Variants in CCSER1 observed in about 807,000 individuals in gnomAD.
The protein encoded by CCSER1 is serine-rich coiled-coil domain-containing protein 1.
Under a neutral mutation model 82.0 loss-of-function variants are expected in CCSER1, and 41 were observed. The ratio of observed to expected loss-of-function variants is 0.50; its 90% CI spans 0.39 to 0.65. The LOEUF (loss-of-function observed/expected upper bound fraction) is 0.65. CCSER1 is among the 30% of genes least tolerant of loss of function. The pLI is 0.00. For synonymous variants in CCSER1, 414 were observed against 383.9 expected (o/e 1.08, Z -0.92); for missense variants, 1,119 against 1,064.2 (o/e 1.05, Z -0.72).
At chr4:90,932,343 A>G (rs1729928579) in intron 9 of CCSER1, among the ~76,000 whole-genome samples, 1 of 152,166 alleles carries the variant, frequency 6.6e-6, no homozygotes, top group Non-Finnish European at 1.5e-5. Context: ...AATTTAAACT[A>G]TCACATTAGA....
At chr4:91,146,947 T>C (rs1159861068) in intron 10 of CCSER1, among the ~76,000 whole-genome samples, 1 of 152,196 alleles carries the variant, frequency 6.6e-6, no homozygotes, top group Non-Finnish European at 1.5e-5. Flanking sequence ...ACCAAGTCTG[T>C]TCCTGGGCCT....
intron 10 of CCSER1, among the ~76,000 whole-genome samples, chr4:91,270,278 A>G (rs1218057066): frequency 6.6e-6 from 1 of 152,110 alleles, no homozygotes; most frequent in East Asian, 1.9e-4. Context: ...ATTATAGTTC[A>G]GGTATTATTT....
At chr4:90,367,023 C>G (rs1342625775) in intron 3 of CCSER1, among the ~76,000 whole-genome samples, 1 of 151,654 alleles carries the variant, frequency 6.6e-6, no homozygotes, top group Non-Finnish European at 1.5e-5. Flanking sequence ...CTGTGGAAAG[C>G]CAATGAAAAT....
chr4:91,307,507 A>G (rs536473815), intron 10 of CCSER1, among the ~76,000 whole-genome samples: 1 of 152,060 alleles, frequency 6.6e-6, no homozygotes, highest in South Asian at 2.1e-4. Context: ...AAGCAAGTTT[A>G]TTTTCCCTGC....
chr4:91,394,103 A>C (rs543657290), intron 10 of CCSER1, among the ~76,000 whole-genome samples: 1 of 152,214 alleles, frequency 6.6e-6, no homozygotes. Flanking sequence ...GGTGATCCTA[A>C]CCTCAGAAGC....
chr4:90,416,540 G>A (rs1000158732), intron 4 of CCSER1, among the ~76,000 whole-genome samples: 5 of 152,118 alleles, frequency 3.3e-5, no homozygotes, highest in African/African-American at 1.2e-4. Flanking sequence ...CTAAATGAGT[G>A]ACATGCAAAG....
At chr4:90,386,675 A>C (rs1013166710) in intron 3 of CCSER1, among the ~76,000 whole-genome samples, 5 of 152,252 alleles carry the variant, frequency 3.3e-5, no homozygotes, top group African/African-American at 1.2e-4. Flanking sequence ...GCTTCTGCAT[A>C]ACAAAAGAAA....
chr4:91,231,966 C>G (rs981826260), intron 10 of CCSER1, among the ~76,000 whole-genome samples: 5 of 151,792 alleles, frequency 3.3e-5, no homozygotes, highest in Middle Eastern at 3.2e-3. Context: ...ACATTTGGGA[C>G]TTTACAAATA....
intron 8 of CCSER1, among the ~76,000 whole-genome samples, chr4:90,886,308 A>G (rs1190612884): frequency 6.6e-6 from 1 of 152,004 alleles, no homozygotes; most frequent in African/African-American, 2.4e-5. Flanking sequence ...TTTTAATTCC[A>G]TCTTTCAGGC....
intron 5 of CCSER1, among the ~76,000 whole-genome samples, chr4:90,496,065 A>G (rs1233500726): frequency 1.3e-5 from 2 of 152,020 alleles, no homozygotes; most frequent in African/African-American, 4.8e-5. Context: ...AACATTACTT[A>G]TTTAATAGTG....
intron 10 of CCSER1, among the ~76,000 whole-genome samples, chr4:91,357,250 C>T (rs752790198): frequency 6.6e-6 from 1 of 151,848 alleles, no homozygotes. Flanking sequence ...TAAATTTTAC[C>T]TTTATATTAG....
chr4:90,984,125 A>G (rs1736369781), intron 9 of CCSER1, among the ~76,000 whole-genome samples: 1 of 151,812 alleles, frequency 6.6e-6, no homozygotes, highest in South Asian at 2.1e-4. Flanking sequence ...GATGAAATGC[A>G]TACTGGACAA....
At chr4:90,147,991 C>G (rs917984435) in intron 1 of CCSER1, among the ~76,000 whole-genome samples, 6 of 152,244 alleles carry the variant, frequency 3.9e-5, no homozygotes, top group South Asian at 2.1e-4. Context: ...ATGGCAAAAC[C>G]CTGTTTCTAC....
chr4:91,179,484 G>A (rs1733772422), intron 10 of CCSER1, among the ~76,000 whole-genome samples: 1 of 152,082 alleles, frequency 6.6e-6, no homozygotes, highest in Non-Finnish European at 1.5e-5. Flanking sequence ...CATATTTCTT[G>A]GAGGCTTTGT....
At chr4:91,224,153 A>G (rs1011309330) in intron 10 of CCSER1, among the ~76,000 whole-genome samples, 1 of 151,838 alleles carries the variant, frequency 6.6e-6, no homozygotes, top group East Asian at 1.9e-4. Flanking sequence ...GCAAACCAAA[A>G]CCTTACTTGG....
chr4:91,212,901 C>T (rs1241625159), intron 10 of CCSER1, among the ~76,000 whole-genome samples: 1 of 152,080 alleles, frequency 6.6e-6, no homozygotes, highest in African/African-American at 2.4e-5. Flanking sequence ...TCTCTCCCTA[C>T]TCTTATAGCC....
At chr4:91,440,411 A>G (rs1388026829) in intron 10 of CCSER1, among the ~76,000 whole-genome samples, 1 of 152,212 alleles carries the variant, frequency 6.6e-6, no homozygotes. Flanking sequence ...TGTTCTTTGA[A>G]ACCAATGAGA....
chr4:91,276,859 A>G (rs578126147), intron 10 of CCSER1, among the ~76,000 whole-genome samples: 3 of 152,174 alleles, frequency 2.0e-5, no homozygotes, highest in African/African-American at 4.8e-5. Context: ...AGTTTTTATC[A>G]TAAAGGAATG....
At chr4:90,183,281 A>G (rs572859902) in intron 1 of CCSER1, among the ~76,000 whole-genome samples, 4 of 152,240 alleles carry the variant, frequency 2.6e-5, no homozygotes, top group African/African-American at 9.6e-5. Context: ...CTCCAAACAC[A>G]CACACACACA....
Sources: allele counts gnomAD v4.1 joint callset (sites outside exome capture counted in the v4.1 genomes callset), GRCh38; gene constraint gnomAD v4.1.1; transcripts MANE v1.5; gene names NCBI Gene and HGNC (gene_info 2026-07-23, HGNC 2026-07-21).